PDE1A: variants seen among roughly 807,000 people sequenced by gnomAD.
PDE1A encodes dual specificity calcium/calmodulin-dependent 3',5'-cyclic nucleotide phosphodiesterase 1A.
PDE1A carries 35 observed loss-of-function variants against 61.7 expected under a neutral mutation model. That is an observed-to-expected ratio of 0.57 (90% CI 0.43 to 0.75). The LOEUF (loss-of-function observed/expected upper bound fraction) is 0.75. Among genes scored for constraint, PDE1A ranks in the 30% least tolerant of loss-of-function variants. PDE1A has a pLI of 0.00. For synonymous variants in PDE1A, 232 were observed against 213.2 expected, an observed-to-expected ratio of 1.09 and a Z score of -0.77; for missense variants, 597 against 630.6, an observed-to-expected ratio of 0.95 and a Z score of 0.57.
rs1692650905 is a variant in PDE1A, at chr2:182,175,433, A to G, written c.1517-7143T>C. On this transcript the variant is annotated intron_variant, in intron 13 of 13. Transcript: ENST00000351439. ...TTTGATTTGCATTTCTCTGATGGCC[A>G]GTGATGGTGAGCATTTTTTCATGTG... 2.0e-5 allele frequency among the ~76,000 whole-genome samples: 3 copies of G among 150,620 alleles called. No individual in the cohort carries two copies. In the Admixed American group the frequency reaches 2.0e-4, roughly 10 times the overall value.
At chr2:182,314,067 T>C (rs1264536608) in intron 1 of PDE1A, among the ~76,000 whole-genome samples, 1 of 152,200 alleles carries the variant, frequency 6.6e-6, no homozygotes, top group Non-Finnish European at 1.5e-5. Flanking sequence ...AATATGTTAA[T>C]ACACAGATTT....
chr2:182,160,226 C>T (rs927863673), intron 13 of PDE1A, among the ~76,000 whole-genome samples: 1 of 152,080 alleles, frequency 6.6e-6, no homozygotes, highest in Non-Finnish European at 1.5e-5. Flanking sequence ...AATGTACTGC[C>T]TTTTATGTTT....
chr2:182,182,777 C>T (rs994905703), intron 13 of PDE1A, among the ~76,000 whole-genome samples: 3 of 151,688 alleles, frequency 2.0e-5, no homozygotes, highest in Non-Finnish European at 2.9e-5. Context: ...GTAGCCAATC[C>T]GTTTTAAAAA....
the PDE1A span, among the ~76,000 whole-genome samples, chr2:182,658,549 A>G: frequency 3.9e-5 from 6 of 152,212 alleles, no homozygotes; most frequent in Non-Finnish European, 8.8e-5. Flanking sequence ...ATGCAGTTCT[A>G]CCCACAGCAT....
At chr2:182,663,632 C>T in the PDE1A span, among the ~76,000 whole-genome samples, 3 of 152,030 alleles carry the variant, frequency 2.0e-5, no homozygotes, top group African/African-American at 7.2e-5. Flanking sequence ...TGAGAACACA[C>T]GGACACATAG....
intron 1 of PDE1A, among the ~76,000 whole-genome samples, chr2:182,411,961 G>A (rs1053410943): frequency 2.6e-5 from 4 of 151,702 alleles, no homozygotes; most frequent in Admixed American, 1.3e-4. Flanking sequence ...GGGAGGCTGA[G>A]GCAGGAGAAT....
exon 5 of PDE1A, chr2:182,231,130 T>A (rs1372078919): frequency 2.0e-6 from 3 of 1,509,298 alleles, no homozygotes; most frequent in South Asian, 2.3e-5. Flanking sequence ...TTTATCAACA[T>A]CCTGTAGAAA....
intron 1 of PDE1A, among the ~76,000 whole-genome samples, chr2:182,402,338 T>C (rs1486148736): frequency 3.3e-5 from 5 of 152,214 alleles, no homozygotes; most frequent in Admixed American, 6.5e-5. Flanking sequence ...TATAGACCAA[T>C]GGAACAGAAC....
intron 8 of PDE1A, among the ~76,000 whole-genome samples, chr2:182,202,025 G>A (rs1031247748): frequency 1.1e-4 from 16 of 152,182 alleles, no homozygotes; most frequent in African/African-American, 3.9e-4. Context: ...ACACCTCCCT[G>A]AAGAGCTAGT....
intron 2 of PDE1A, among the ~76,000 whole-genome samples, chr2:182,433,922 C>T (rs1435557212): frequency 6.6e-6 from 1 of 152,058 alleles, no homozygotes; most frequent in African/African-American, 2.4e-5. Flanking sequence ...GCTCAGATAT[C>T]ATTGCAGTGT....
chr2:182,146,991 C>A, downstream of PDE1A: 3 of 835,688 alleles, frequency 3.6e-6, no homozygotes, highest in South Asian at 1.8e-5. Flanking sequence ...TTCTGCAAAC[C>A]ATTTACTTTA....
rs76788823 is a variant in PDE1A, at chr2:182,304,932, G to A, written c.54-40518C>T. Among the ~76,000 whole-genome samples the A allele has an allele frequency of 2.6e-3, 390 of 152,208 alleles. 4 individuals carry two copies. Among genetic ancestry groups the A allele is most frequent in the African/African-American group, 9.0e-3 (372 of 41,546 alleles). ...AATGGCACTGATAGACTTGCTTGAT[G>A]CAGGCAGTGTTGCCATAAACCTCCA... On this transcript the variant is annotated intron_variant, in intron 1 of 13. Transcript: ENST00000351439.
chr2:182,384,627 G>A (rs1349708551), intron 1 of PDE1A, among the ~76,000 whole-genome samples: 3 of 151,564 alleles, frequency 2.0e-5, no homozygotes, highest in South Asian at 2.1e-4. Flanking sequence ...TCAGAAGAGG[G>A]AAAAAAATAA....
At chr2:182,623,997 C>T in the PDE1A span, among the ~76,000 whole-genome samples, 1 of 151,210 alleles carries the variant, frequency 6.6e-6, no homozygotes, top group East Asian at 2.0e-4. Context: ...TAGTGGCGGG[C>T]GCCTGTAGTC....
chr2:182,364,466 T>TGAAAAAAAAAAA (rs1699699627), intron 1 of PDE1A, among the ~76,000 whole-genome samples: 1 of 35,840 alleles, frequency 2.8e-5, no homozygotes, highest in African/African-American at 1.0e-4. Context: ...AACACTTTGG[T>TGAAAAAAAAAAA]AAAAAAAAAA....
chr2:182,300,753 G>A (rs1339754441), intron 1 of PDE1A, among the ~76,000 whole-genome samples: 1 of 152,174 alleles, frequency 6.6e-6, no homozygotes, highest in Non-Finnish European at 1.5e-5. Flanking sequence ...CAAACAAATG[G>A]ATAGAATTAC....
rs372566608 is a variant in PDE1A, at chr2:182,250,507, T to G, written c.168-10215A>C. 1.9e-4 allele frequency among the ~76,000 whole-genome samples: 29 copies of G among 152,334 alleles called. 1 individual carries two copies. Among genetic ancestry groups the G allele is most frequent in the Admixed American group, 1.4e-3 (21 of 15,308 alleles). On this transcript the variant is annotated intron_variant, in intron 2 of 13. Transcript: ENST00000351439. ...GAAGCATGTTTATTTATTCCCTGTT[T>G]TGTTCCAAAAAGTATTTAAAATGGC...
intron 2 of PDE1A, among the ~76,000 whole-genome samples, chr2:182,447,810 AATT>A (rs1253080998): frequency 6.6e-6 from 1 of 152,096 alleles, no homozygotes; most frequent in Admixed American, 6.6e-5. Flanking sequence ...TGAATTAATT[AATT>A]AATTAACTAA....
At chr2:182,240,440 A>G (rs1690412162) in intron 2 of PDE1A, 148 bp from the exon 3 acceptor site, 4 of 485,466 alleles carry the variant, frequency 8.2e-6, no homozygotes, top group South Asian at 5.7e-5. Context: ...AAGAAAAAAA[A>G]TTCATTAACA....
Sources: gnomAD v4.1 joint callset for allele counts (sites outside exome capture counted in the v4.1 genomes callset) on GRCh38, gnomAD v4.1.1 for gene constraint, MANE v1.5 for transcripts, NCBI Gene and HGNC (gene_info 2026-07-23, HGNC 2026-07-21) for gene names.